The following HTT variants were observed in gnomAD, a reference collection of about 807,000 sequenced individuals.
HTT encodes the protein huntingtin.
A neutral mutation model predicts 362.3 loss-of-function variants in HTT; 104 were observed. The ratio of observed to expected loss-of-function variants is 0.29; its 90% confidence interval spans 0.24 to 0.34. The LOEUF is 0.34. Ranked by LOEUF, HTT falls within the 10% of genes least tolerant of loss-of-function variation. HTT has a pLI of 1.00. For synonymous variants in HTT, 1,577 were observed against 1,548.7 expected, an observed-to-expected ratio of 1.02 and a Z score of -0.43; for missense variants, 3,301 against 3,928.6, an observed-to-expected ratio of 0.84 and a Z score of 4.27.
chr4:3,097,138 A>G (rs1250962112), intron 2 of HTT, among the ~76,000 whole-genome samples: 3 of 152,202 alleles, frequency 2.0e-5, no homozygotes, highest in Admixed American at 1.3e-4. Context: ...AACAGTTACT[A>G]GAAGAATGGA....
At position 3,212,025 on chromosome 4, in the gene HTT, G is replaced by A. The variant is rs1015483155; in HGVS notation, c.6511G>A (p.Val2171Met). 2 of 1,614,194 alleles carry A rather than the reference G, an allele frequency of 1.2e-6. No homozygotes were observed. Among genetic ancestry groups the A allele is most frequent in the Non-Finnish European group, 8.5e-7 (1 of 1,180,042 alleles). ...KSALFEAARE[V>M]TLARVSGTVQ... ...TGCCCTTTTTGAAGCAGCCCGTGAG[G>A]TGACTCTGGCCCGTGTGAGCGGCAC... The change falls in exon 48 of 67, where the codon GTG becomes ATG. Residue 2171 changes from valine to methionine, a missense_variant. Val to Met is a conservative substitution (Grantham distance 21). This residue lies in a region of HTT where 2,316 missense variants were observed against 2,658.5 expected (regional missense o/e 0.87). Transcript: ENST00000355072.
intron 35 of HTT, among the ~76,000 whole-genome samples, chr4:3,179,073 G>A (rs1718376241): frequency 6.6e-6 from 1 of 152,184 alleles, no homozygotes; most frequent in Admixed American, 6.5e-5. Flanking sequence ...GCTGGAATCT[G>A]TAGGCTTTTG....
chr4:3,217,707 C>T, intron 51 of HTT, 58 bp from the exon 52 acceptor site: 3 of 1,430,766 alleles, frequency 2.1e-6, no homozygotes, highest in Admixed American at 1.8e-5. Flanking sequence ...ATGCTTTCTA[C>T]ACTGGGCATA....
chr4:3,222,454 C>G lies in HTT; in HGVS notation c.7437C>G (p.Pro2479=). ...ATLLGVLVTQ[P]LVMEQEESPP... is the part of the protein sequence containing the mutation. The stretch of plus-strand genomic sequence containing the variant: ...TCCTTGGTGTCCTGGTGACGCAGCC[C>G]CTCGTGATGGAGCAGGAGGAGAGCC... Residue 2479 remains proline (P), a synonymous_variant, in exon 54 of 67, where the codon CCC becomes CCG. Transcript: ENST00000355072. 6.2e-7 allele frequency: 1 copy of G among 1,614,172 alleles called. No homozygotes were observed. The highest frequency in any genetic ancestry group is 8.5e-7 in the Non-Finnish European group (1 of 1,180,048).
rs538563686 is a variant in HTT at position 3,225,509 on chromosome 4, G to T, written c.7766-152G>T. The T allele has an allele frequency of 3.1e-4, 192 of 629,436 alleles. 1 individual carries two copies. In the South Asian group the frequency reaches 3.7e-3, roughly 12 times the overall value. 39.0% of individuals were successfully genotyped at this position (629,436 alleles called of 1,614,324 possible). On this transcript the variant is annotated intron_variant, in intron 56 of 66. Transcript: ENST00000355072. ...GTGACAAATCCCCAAGACCCACAGG[G>T]CTCTGCACAACCTGGGCCCTCCTGC...
In HTT at chr4:3,208,733, A is replaced by AT. The variant is rs769109931; in HGVS notation, c.6153-40_6153-39insT. On this transcript the variant is annotated intron_variant, in intron 45 of 66. Coordinates refer to ENST00000355072, the MANE Select transcript of HTT (RefSeq NM_001388492.1). The stretch of plus-strand genomic sequence containing the variant: ...TAGACTAAGACTAAAAAAAAAAAAA[A>AT]ACAAATTATACTGTAATTTCATTTT... The AT allele has an allele frequency of 3.2e-6, 5 of 1,543,482 alleles. No individual in the cohort carries two copies. In the South Asian group the frequency reaches 6.2e-5, roughly 19 times the overall value.
chr4:3,224,047 A>G lies in HTT; in HGVS notation c.7681A>G (p.Met2561Val), dbSNP rs746771740. Residue 2561 changes from methionine (M) to valine (V), a missense_variant, in exon 56 of 67, where the codon ATG (methionine) becomes GTG (valine). Physicochemically the swap from Met to Val is conservative, Grantham distance 21. Around this residue, in one of 4 missense-constraint regions of HTT, gnomAD observed 753 missense variants for 1,021.3 expected, o/e 0.74. Transcript: ENST00000355072. ...RGIVEQEIQA[M>V]VSKRENIATH... ...GATTGTGGAGCAAGAGATTCAAGCA[A>G]TGGTTTCAAAGAGAGAGAATATTGC... The G allele has an allele frequency of 1.4e-5, 23 of 1,613,848 alleles. No individual in the cohort carries two copies. The highest frequency in any genetic ancestry group is 6.6e-5 in the South Asian group (6 of 91,082).
chr4:3,089,832 T>C (rs1248676837), intron 2 of HTT, among the ~76,000 whole-genome samples: 1 of 152,250 alleles, frequency 6.6e-6, no homozygotes, highest in African/African-American at 2.4e-5. Flanking sequence ...CTATATGCCA[T>C]ATTAAATCAA....
intron 50 of HTT, among the ~76,000 whole-genome samples, 156 bp from the exon 51 acceptor site, chr4:3,214,954 A>G (rs1160074318): frequency 6.6e-6 from 1 of 152,222 alleles, no homozygotes; most frequent in African/African-American, 2.4e-5. Flanking sequence ...ACCTCAGTCT[A>G]GTATTGTCTG....
chr4:3,237,378 T>C (rs1321324428), intron 64 of HTT, among the ~76,000 whole-genome samples: 1 of 152,128 alleles, frequency 6.6e-6, no homozygotes, highest in Admixed American at 6.5e-5. Context: ...CCGGCCCCCA[T>C]GTCGATTTTT....
chr4:3,144,354 G>A (rs1311120268), intron 23 of HTT, among the ~76,000 whole-genome samples: 1 of 152,156 alleles, frequency 6.6e-6, no homozygotes, highest in Non-Finnish European at 1.5e-5. Context: ...ATCTCACTCT[G>A]TTGCCCAGGC....
At chr4:3,226,951 A>T (rs1578607945) in intron 57 of HTT, among the ~76,000 whole-genome samples, 1 of 152,226 alleles carries the variant, frequency 6.6e-6, no homozygotes, top group East Asian at 1.9e-4. Context: ...AGATGTTTCC[A>T]CCCCAAGATA....
At chr4:3,129,750 A>T in intron 12 of HTT, 174 bp from the exon 13 acceptor site, 1 of 634,860 alleles carries the variant, frequency 1.6e-6, no homozygotes, top group Non-Finnish European at 2.7e-6. Flanking sequence ...AGTGATCAGT[A>T]AGCTCTTAGC....
intron 20 of HTT, 57 bp from the exon 21 acceptor site, chr4:3,136,169 C>A: frequency 8.1e-7 from 1 of 1,234,282 alleles, no homozygotes; most frequent in South Asian, 1.3e-5. Context: ...AAATATCTTA[C>A]CTAAAATTTA....
intron 29 of HTT, among the ~76,000 whole-genome samples, chr4:3,170,194 C>A: frequency 6.6e-6 from 1 of 152,102 alleles, no homozygotes; most frequent in African/African-American, 2.4e-5. Context: ...TCTTCTTGAG[C>A]TTTGTTCTGA....
At chr4:3,155,968 T>C (rs2110213519) in intron 27 of HTT, among the ~76,000 whole-genome samples, 1 of 152,074 alleles carries the variant, frequency 6.6e-6, no homozygotes, top group African/African-American at 2.4e-5. Context: ...TCACCTCACG[T>C]ATCATTGTTT....
At chr4:3,198,333 T>G (rs958684664) in intron 40 of HTT, among the ~76,000 whole-genome samples, 3 of 151,240 alleles carry the variant, frequency 2.0e-5, no homozygotes, top group African/African-American at 7.3e-5. Flanking sequence ...CAAGCAATTC[T>G]TGTGCTCCCG....
intron 2 of HTT, among the ~76,000 whole-genome samples, chr4:3,088,993 C>T (rs879243126): frequency 6.6e-6 from 1 of 151,966 alleles, no homozygotes; most frequent in African/African-American, 2.4e-5. Flanking sequence ...TAGAATACAA[C>T]GCTATGATAA....
intron 42 of HTT, among the ~76,000 whole-genome samples, chr4:3,204,844 G>A (rs534945370): frequency 6.6e-5 from 10 of 152,186 alleles, no homozygotes; most frequent in East Asian, 1.9e-4. Context: ...TTAGCCTGGC[G>A]TGGTGGTGCA....
Sources: gnomAD v4.1 joint callset for allele counts (sites outside exome capture counted in the v4.1 genomes callset) on GRCh38, gnomAD v4.1.1 for gene constraint, gnomAD v4.1.1 regional missense constraint, MANE v1.5 for transcripts, NCBI Gene and HGNC (gene_info 2026-07-23, HGNC 2026-07-21) for gene names.